Variants in FRMPD4 observed in about 807,000 individuals in gnomAD.
The protein encoded by FRMPD4 is FERM and PDZ domain-containing protein 4.
A neutral mutation model predicts 94.1 loss-of-function variants in FRMPD4; 22 were observed. The ratio of observed to expected loss-of-function variants is 0.23; its 90% CI spans 0.17 to 0.33. The LOEUF (loss-of-function observed/expected upper bound fraction) is 0.33, where lower values mean the gene tolerates loss of function less well. Ranked by LOEUF, FRMPD4 falls within the 10% of genes least tolerant of loss-of-function variation. The pLI, the probability that FRMPD4 is intolerant of heterozygous loss-of-function variation, is 1.00. For missense variants in FRMPD4, 1,111 were observed against 1,339.9 expected, an observed-to-expected ratio of 0.83 and a Z score of 2.67; for synonymous variants, 631 against 548.6, an observed-to-expected ratio of 1.15 and a Z score of -2.10.
intron 2 of FRMPD4, among the ~76,000 whole-genome samples, chrX:12,499,088 T>C (rs2057888055): frequency 9.0e-6 from 1 of 111,352 alleles, no homozygotes; most frequent in South Asian, 3.8e-4. Flanking sequence ...GAGCAAAAGT[T>C]TCCACCGTTA....
chrX:12,566,840 A>G (rs1182393716), intron 2 of FRMPD4, among the ~76,000 whole-genome samples: 3 of 111,203 alleles, frequency 2.7e-5, no homozygotes, highest in African/African-American at 9.8e-5. Flanking sequence ...AAAGTAGCAA[A>G]AAATATTATT....
At chrX:12,672,087 C>G (rs978991095) in intron 4 of FRMPD4, among the ~76,000 whole-genome samples, 4 of 112,348 alleles carry the variant, frequency 3.6e-5, no homozygotes, top group Admixed American at 9.4e-5. Context: ...ACTGCCCCAG[C>G]ATTCAGCTCC....
chrX:11,934,165 G>C (rs938820070), intron 3 of FRMPD4, among the ~76,000 whole-genome samples: 1 of 112,173 alleles, frequency 8.9e-6, no homozygotes, highest in Non-Finnish European at 1.9e-5. Flanking sequence ...GAAGACCATT[G>C]CATACTTACT....
In FRMPD4 at chrX:12,721,738, A is replaced by G; in HGVS notation, c.5169A>G (p.Glu1723=). 1.3e-6 allele frequency: 1 copy of G among 755,613 alleles called. No homozygotes were observed. The highest frequency in any genetic ancestry group is 2.3e-5 in the African/African-American group (1 of 43,879). The allele number at this position is 755,613 out of a possible 1,213,427, so 62.3% of individuals were successfully genotyped here. Residue 1723 remains glutamate (E), a synonymous_variant, in exon 17 of 17, where the codon GAA becomes GAG. Transcript: ENST00000675598. ...ACATTTGTCTACTGAAAGCTGCCGA[A>G]GCAGCCACTGGAAAGAACCCTGGGG... ...INYICLLKAA[E]AATGKNPGDP...
intron 2 of FRMPD4, among the ~76,000 whole-genome samples, chrX:12,505,250 C>T (rs2057968327): frequency 9.0e-6 from 1 of 111,698 alleles, no homozygotes; most frequent in South Asian, 3.8e-4. Context: ...TTGAGCCAAC[C>T]CTTGCAGAGA....
chrX:12,499,505 A>G (rs756182014), intron 2 of FRMPD4, among the ~76,000 whole-genome samples: 51 of 112,294 alleles, frequency 4.5e-4, no homozygotes, highest in Non-Finnish European at 9.0e-4. Flanking sequence ...CTTTGTACCC[A>G]TTAAACAATA....
At chrX:11,824,899 A>C (rs2053432685) in intron 1 of FRMPD4, among the ~76,000 whole-genome samples, 1 of 109,195 alleles carries the variant, frequency 9.2e-6, no homozygotes, top group Non-Finnish European at 1.9e-5. Context: ...CTCTAAATGC[A>C]TGGAGCCTGA....
intron 1 of FRMPD4, among the ~76,000 whole-genome samples, chrX:12,246,995 G>A (rs957521904): frequency 1.8e-5 from 2 of 111,901 alleles, no homozygotes; most frequent in African/African-American, 6.5e-5. Context: ...AGCAATTGGT[G>A]CCAGTTGGAC....
chrX:12,553,922 A>G (rs1233428316), intron 2 of FRMPD4, among the ~76,000 whole-genome samples: 1 of 111,933 alleles, frequency 8.9e-6, no homozygotes, highest in Non-Finnish European at 1.9e-5. Context: ...ATGAAATTTT[A>G]TGGTTGTATT....
intron 3 of FRMPD4, among the ~76,000 whole-genome samples, chrX:11,972,377 T>C (rs2054344789): frequency 8.9e-6 from 1 of 111,975 alleles, no homozygotes. Context: ...ATGCACTCAC[T>C]CTAGCTAGGT....
chrX:11,972,153 C>T (rs1462817465), intron 3 of FRMPD4, among the ~76,000 whole-genome samples: 2 of 112,127 alleles, frequency 1.8e-5, no homozygotes, highest in Admixed American at 9.5e-5. Context: ...AATACATTCC[C>T]TTTATCACTT....
At chrX:12,141,038 C>A (rs1376688913) in intron 1 of FRMPD4, among the ~76,000 whole-genome samples, 2 of 111,845 alleles carry the variant, frequency 1.8e-5, no homozygotes, top group Admixed American at 1.9e-4. Flanking sequence ...GATAGAAGTA[C>A]CTTTAGAGGG....
chrX:12,020,875 G>T (rs1459882343), intron 3 of FRMPD4, among the ~76,000 whole-genome samples: 3 of 111,294 alleles, frequency 2.7e-5, no homozygotes, highest in African/African-American at 3.3e-5. Context: ...GAAAATTTTT[G>T]TCTAAAGTCT....
chrX:12,243,362 C>T (rs1015245874), intron 1 of FRMPD4, among the ~76,000 whole-genome samples: 2 of 112,679 alleles, frequency 1.8e-5, no homozygotes, highest in African/African-American at 3.2e-5. Flanking sequence ...AACTCAAGCA[C>T]AGGATGTGTT....
chrX:11,898,342 G>A (rs2053915903), intron 3 of FRMPD4, among the ~76,000 whole-genome samples: 1 of 111,697 alleles, frequency 9.0e-6, no homozygotes, highest in Admixed American at 9.5e-5. Context: ...GTCTGTCCCA[G>A]TGTCTTCTCT....
At chrX:11,967,820 A>G (rs1348434725) in intron 3 of FRMPD4, among the ~76,000 whole-genome samples, 3 of 97,401 alleles carry the variant, frequency 3.1e-5, no homozygotes, top group South Asian at 5.0e-4. Flanking sequence ...TTTGTTCATT[A>G]CAGATGTTAT....
At chrX:11,853,391 A>G (rs765529944) in intron 1 of FRMPD4, among the ~76,000 whole-genome samples, 6 of 111,714 alleles carry the variant, frequency 5.4e-5, no homozygotes, top group Non-Finnish European at 1.1e-4. Flanking sequence ...AGAAATAATT[A>G]AAATCAGAGC....
At position 11,873,784 on chromosome X, in the gene FRMPD4, C is replaced by T. The variant is rs772739858; in HGVS notation, c.-29-4111C>T. On this transcript the variant is annotated intron_variant, in intron 2 of 18. Transcript: ENST00000640291. ...TGGAAATAGAAAGGACCTAGAATAG[C>T]GAAAACAATTTTGAAAAAGAAGAAC... Among the ~76,000 whole-genome samples the T allele has an allele frequency of 2.7e-5, 3 of 109,544 alleles. No homozygotes were observed. In the East Asian group the frequency reaches 8.6e-4, roughly 31 times the overall value.
At chrX:12,620,260 C>T (rs1033394752) in intron 4 of FRMPD4, among the ~76,000 whole-genome samples, 2 of 112,671 alleles carry the variant, frequency 1.8e-5, no homozygotes, top group African/African-American at 6.5e-5. Context: ...TAAAGCAACA[C>T]TGTGATCCAG....
Sources: gnomAD v4.1 joint callset for allele counts (sites outside exome capture counted in the v4.1 genomes callset) on GRCh38, gnomAD v4.1.1 for gene constraint, MANE v1.5 for transcripts, NCBI Gene and HGNC (gene_info 2026-07-23, HGNC 2026-07-21) for gene names.